The following CRTAC1 variants were observed in gnomAD, a reference collection of about 807,000 sequenced individuals.
CRTAC1 encodes the protein cartilage acidic protein 1, also known as acidic secreted protein in cartilage.
A neutral mutation model predicts 67.8 loss-of-function variants in CRTAC1; 37 were observed. That is an observed-to-expected ratio of 0.55 (90% CI 0.42 to 0.72). CRTAC1 has a LOEUF of 0.72. Ranked by LOEUF, CRTAC1 falls within the 30% of genes least tolerant of loss-of-function variation. The pLI is 0.00. For synonymous variants in CRTAC1, 348 were observed against 371.0 expected (o/e 0.94, Z 0.71); for missense variants, 780 against 931.6 (o/e 0.84, Z 2.12).
At chr10:97,891,237 T>C (rs2050367670) in intron 11 of CRTAC1, among the ~76,000 whole-genome samples, 1 of 152,248 alleles carries the variant, frequency 6.6e-6, no homozygotes, top group Non-Finnish European at 1.5e-5. Context: ...TTTTCTTCTT[T>C]TAAAAATAGT....
At chr10:97,902,608 G>A (rs960407103) in intron 7 of CRTAC1, among the ~76,000 whole-genome samples, 1 of 152,178 alleles carries the variant, frequency 6.6e-6, no homozygotes, top group Non-Finnish European at 1.5e-5. Flanking sequence ...TTCTATTTCT[G>A]AGCGTAATAT....
At position 97,973,348 on chromosome 10, in the gene CRTAC1, T is replaced by C. The variant is rs2051745596; in HGVS notation, c.225-36982A>G. ...TTACGCCTGGGCCTCCATGCCATCA[T>C]CTCTGTGGAAATGCTCTTTTTCGTG... On this transcript the variant is annotated intron_variant, in intron 2 of 14. Transcript: ENST00000370597. Among the ~76,000 whole-genome samples the C allele has an allele frequency of 2.0e-5, 3 of 152,056 alleles. No homozygotes were observed. The South Asian group carries it at 6.2e-4, about 32-fold the overall frequency.
intron 2 of CRTAC1, among the ~76,000 whole-genome samples, chr10:98,008,064 G>A (rs907606823): frequency 6.6e-6 from 1 of 152,114 alleles, no homozygotes. Context: ...GGCCCATGGT[G>A]GCACATATCA....
intron 2 of CRTAC1, among the ~76,000 whole-genome samples, chr10:97,990,736 G>A (rs1842430657): frequency 6.6e-6 from 1 of 152,202 alleles, no homozygotes; most frequent in Admixed American, 6.5e-5. Flanking sequence ...GCTCAGCAAG[G>A]TGCCTTGCAC....
At chr10:97,900,375 A>G (rs2050515407) in intron 8 of CRTAC1, among the ~76,000 whole-genome samples, 1 of 152,252 alleles carries the variant, frequency 6.6e-6, no homozygotes, top group Non-Finnish European at 1.5e-5. Context: ...TTGGAAAATT[A>G]AAATATTTAT....
At chr10:98,028,811 G>T (rs1046313747) in intron 1 of CRTAC1, among the ~76,000 whole-genome samples, 4 of 152,152 alleles carry the variant, frequency 2.6e-5, no homozygotes, top group Non-Finnish European at 4.4e-5. Flanking sequence ...ATATCTCCAG[G>T]CTGAAGCAGG....
At chr10:97,985,479 A>G (rs1279381304) in intron 2 of CRTAC1, among the ~76,000 whole-genome samples, 1 of 152,090 alleles carries the variant, frequency 6.6e-6, no homozygotes, top group African/African-American at 2.4e-5. Flanking sequence ...GCCAGCAGCC[A>G]GCTTCGTTCT....
At chr10:97,940,659 G>A (rs1183436527) in intron 2 of CRTAC1, among the ~76,000 whole-genome samples, 1 of 152,222 alleles carries the variant, frequency 6.6e-6, no homozygotes, top group Non-Finnish European at 1.5e-5. Context: ...AGAGCAGCCT[G>A]GGGGTGGGGT....
chr10:97,970,002 T>G lies in CRTAC1; in HGVS notation c.225-33636A>C, dbSNP rs574760558. 2.0e-5 allele frequency among the ~76,000 whole-genome samples: 3 copies of G among 152,282 alleles called. No homozygotes were observed. In the East Asian group the frequency reaches 5.8e-4, roughly 29 times the overall value. Reference sequence around the variant, plus strand: ...ACATTGCTCTTGAATGTTTAATAGATATTTCAAACTTAACTTATCAAAAAC... The same window carrying G: ...ACATTGCTCTTGAATGTTTAATAGAGATTTCAAACTTAACTTATCAAAAAC... On this transcript the variant is annotated intron_variant, in intron 2 of 14. Coordinates refer to ENST00000370597, the MANE Select transcript of CRTAC1 (RefSeq NM_018058.7).
intron 5 of CRTAC1, among the ~76,000 whole-genome samples, chr10:97,910,178 C>A (rs2050670203): frequency 6.6e-6 from 1 of 152,218 alleles, no homozygotes; most frequent in African/African-American, 2.4e-5. Context: ...TATACTTGAA[C>A]TTGCTAAGAG....
intron 2 of CRTAC1, among the ~76,000 whole-genome samples, chr10:97,988,108 G>C (rs922409805): frequency 1.3e-5 from 2 of 152,124 alleles, no homozygotes; most frequent in Non-Finnish European, 2.9e-5. Context: ...GGGACACAGA[G>C]AGCGATCCTG....
intron 1 of CRTAC1, among the ~76,000 whole-genome samples, chr10:98,021,921 A>G (rs1564939514): frequency 6.6e-6 from 1 of 152,214 alleles, no homozygotes; most frequent in Non-Finnish European, 1.5e-5. Flanking sequence ...GCTATGCTAT[A>G]CACATTAATT....
intron 3 of CRTAC1, among the ~76,000 whole-genome samples, chr10:97,934,966 TG>T (rs952028837): frequency 1.4e-4 from 3 of 20,694 alleles, no homozygotes; most frequent in Non-Finnish European, 2.9e-4. Flanking sequence ...GGGGCGTGGG[TG>T]GGGGGGAGCG....
chr10:97,998,002 C>T (rs1842618258), intron 2 of CRTAC1, among the ~76,000 whole-genome samples: 1 of 152,140 alleles, frequency 6.6e-6, no homozygotes, highest in Admixed American at 6.5e-5. Context: ...CAGGGTCTTG[C>T]TCTGCCACAA....
chr10:98,016,133 G>C (rs1310891728), intron 1 of CRTAC1, among the ~76,000 whole-genome samples: 1 of 152,180 alleles, frequency 6.6e-6, no homozygotes, highest in Non-Finnish European at 1.5e-5. Flanking sequence ...GAAGAGGTGA[G>C]AAGGGGAAAG....
chr10:97,878,728 T>A (rs929254513), intron 14 of CRTAC1: 49 of 1,301,816 alleles, frequency 3.8e-5, no homozygotes, highest in African/African-American at 4.6e-5. Context: ...CAGGCCTATG[T>A]CCAGCCAGAC....
chr10:97,890,090 TACACACACACACAC>T (rs56001448), intron 11 of CRTAC1, among the ~76,000 whole-genome samples: 1 of 150,374 alleles, frequency 6.7e-6, no homozygotes, highest in African/African-American at 2.4e-5. Context: ...CCAGGATGTG[TACACACACACACAC>T]ACACACACAC....
Position 98,030,517 on chromosome 10 carries a change from G to A in CRTAC1, c.-45C>T, listed in dbSNP as rs1368474220. On this transcript the variant is annotated 5_prime_UTR_variant, in exon 1 of 15. Transcript: ENST00000370597. The surrounding 1 kb of genome is among the most constrained non-coding windows in gnomAD (Gnocchi z 4.2). ...CCGCCTAGGGGCGTGGGAAGCGGGCGCTCGCTGCCGCCTCTGCCGCCGGCG... is the reference window on the plus strand; with the variant it reads ...CCGCCTAGGGGCGTGGGAAGCGGGCACTCGCTGCCGCCTCTGCCGCCGGCG... The A allele has an allele frequency of 3.3e-6, 4 of 1,230,352 alleles. No homozygotes were observed. Among genetic ancestry groups the A allele is most frequent in the East Asian group, 3.2e-5 (1 of 31,488 alleles). The allele number at this position is 1,230,352 out of a possible 1,614,324, so 76.2% of individuals were successfully genotyped here.
chr10:97,910,518 A>T (rs1165659323), intron 5 of CRTAC1, among the ~76,000 whole-genome samples: 1 of 152,236 alleles, frequency 6.6e-6, no homozygotes, highest in Non-Finnish European at 1.5e-5. Flanking sequence ...GTTTACTATA[A>T]TAAGAAGAGT....
Sources: gnomAD v4.1 joint callset for allele counts (sites outside exome capture counted in the v4.1 genomes callset) on GRCh38, gnomAD v4.1.1 for gene constraint, Gnocchi (gnomAD v3.1) non-coding constraint, MANE v1.5 for transcripts, NCBI Gene and HGNC (gene_info 2026-07-23, HGNC 2026-07-21) for gene names.